RBM46: variants seen among roughly 807,000 people sequenced by gnomAD.
RBM46 encodes probable RNA-binding protein 46.
Under a neutral mutation model 43.3 loss-of-function variants are expected in RBM46, and 12 were observed. The ratio of observed to expected loss-of-function variants is 0.28; its 90% CI spans 0.18 to 0.45. RBM46 has a LOEUF of 0.45. Ranked by LOEUF, RBM46 falls within the 20% of genes least tolerant of loss-of-function variation. The probability of loss-of-function intolerance (pLI) is 1.00; values close to 1 mark genes in which losing one functional copy is unlikely to be tolerated. For missense variants in RBM46, 412 were observed against 639.1 expected (o/e 0.64, Z 3.83); for synonymous variants, 205 against 207.6 (o/e 0.99, Z 0.11).
intron 3 of RBM46, 147 bp downstream of exon 3, chr4:154,798,425 G>C: frequency 1.7e-6 from 1 of 598,002 alleles, no homozygotes; most frequent in African/African-American, 1.9e-5. Context: ...TAAATTACAT[G>C]ATTCTAAAAG....
rs772224107 is a variant in RBM46 at position 154,828,087 on chromosome 4, A to G, written c.*20A>G. ...TTCTGAAGAAAATACTAACATTAGT[A>G]TGAAAATTTGTGTAAATTTGTAGTA... On this transcript the variant is annotated 3_prime_UTR_variant, in exon 5 of 5. Coordinates refer to ENST00000281722, the MANE Select transcript of RBM46 (RefSeq NM_144979.5). 215 of 1,531,988 alleles carry G rather than the reference A, an allele frequency of 1.4e-4. 1 individual carries two copies. The highest frequency in any genetic ancestry group is 2.7e-6 in the Non-Finnish European group (3 of 1,106,438). The allele number at this position is 1,531,988 out of a possible 1,614,324, so 94.9% of individuals were successfully genotyped here.
At chr4:154,821,029 T>G (rs1217389106) in intron 4 of RBM46, among the ~76,000 whole-genome samples, 2 of 151,790 alleles carry the variant, frequency 1.3e-5, no homozygotes, top group African/African-American at 4.8e-5. Flanking sequence ...TGTGCTTCAC[T>G]TCCTCATTGA....
chr4:154,799,467 T>C lies in RBM46; in HGVS notation c.1305T>C (p.Ile435=). Residue 435 remains isoleucine, a synonymous_variant, in exon 4 of 5, where the codon ATT becomes ATC. Transcript: ENST00000281722. ...TGTATAAGATAGTTATTCCTGCTAT[T>C]GCAAATGGATCCCAGAGTTACTTCA... ...LLVYKIVIPA[I]ANGSQSYFMP... is the part of the protein sequence containing the mutation. 6.2e-7 allele frequency: 1 copy of C among 1,613,820 alleles called. No individual in the cohort carries two copies. The highest frequency in any genetic ancestry group is 1.1e-5 in the South Asian group (1 of 90,974).
rs575923856 is a variant in RBM46, at chr4:154,782,703, G to A, written c.-12+1267G>A. Among the ~76,000 whole-genome samples, 355 of 152,226 alleles carry A rather than the reference G, an allele frequency of 2.3e-3. 4 individuals are homozygous for A. Among genetic ancestry groups the A allele is most frequent in the African/African-American group, 8.2e-3 (341 of 41,554 alleles). ...TCACCATGTTGGCCAGGATGGTCTC[G>A]ATCTCTGGACCTCATGATCCACCCG... On this transcript the variant is annotated intron_variant, in intron 1 of 4. Transcript: ENST00000281722.
rs138482388 is a variant in RBM46 at position 154,797,986 on chromosome 4, T to C, written c.327T>C (p.Thr109=). Residue 109 remains threonine, a synonymous_variant, in exon 3 of 5, where the codon ACT becomes ACC. Coordinates refer to ENST00000281722, the MANE Select transcript of RBM46 (RefSeq NM_144979.5). ...ENRGYAFVMY[T]TKEEAQLAIR... ...GAGGTTATGCTTTTGTGATGTACAC[T>C]ACAAAAGAAGAAGCCCAATTAGCCA... 112 of 1,612,238 alleles carry C rather than the reference T, an allele frequency of 6.9e-5. No homozygotes were observed. The African/African-American group carries it at 1.4e-3, about 20-fold the overall frequency.
chr4:154,808,690 A>T (rs945200043), intron 4 of RBM46, among the ~76,000 whole-genome samples: 2 of 152,032 alleles, frequency 1.3e-5, no homozygotes, highest in Non-Finnish European at 2.9e-5. Context: ...CAGGTGAGCC[A>T]TTATCAATCT....
chr4:154,817,504 G>T (rs938995392), intron 4 of RBM46, among the ~76,000 whole-genome samples: 1 of 151,502 alleles, frequency 6.6e-6, no homozygotes, highest in African/African-American at 2.4e-5. Context: ...GCTGATTTTT[G>T]TATTTTTAGT....
rs1733616456 is a variant in RBM46 at position 154,783,644 on chromosome 4, CT to C, written c.-12+2209del. On this transcript the variant is annotated intron_variant, in intron 1 of 4. Transcript: ENST00000281722. ...ACAAGAATATGTAGATATCTTTATCCTGAATTCAAACAGCATATACACCTTT... is the reference window on the plus strand; with the variant it reads ...ACAAGAATATGTAGATATCTTTATCCGAATTCAAACAGCATATACACCTTT... 4.6e-5 allele frequency among the ~76,000 whole-genome samples: 7 copies of C among 152,218 alleles called. No individual in the cohort carries two copies. In the South Asian group the frequency reaches 1.5e-3, roughly 32 times the overall value.
intron 4 of RBM46, among the ~76,000 whole-genome samples, chr4:154,818,355 T>C (rs1418438362): frequency 6.6e-6 from 1 of 152,170 alleles, no homozygotes; most frequent in African/African-American, 2.4e-5. Context: ...TTATTTTTGC[T>C]AGGCCAGCAG....
intron 4 of RBM46, among the ~76,000 whole-genome samples, chr4:154,820,672 A>G (rs1045622099): frequency 1.3e-5 from 2 of 151,894 alleles, no homozygotes; most frequent in Non-Finnish European, 3.0e-5. Flanking sequence ...GGTAAACAGT[A>G]TTATAAATTC....
chr4:154,827,199 G>T (rs1470684595), intron 4 of RBM46: 1 of 893,708 alleles, frequency 1.1e-6, no homozygotes, highest in Non-Finnish European at 1.3e-6. Flanking sequence ...GGTTTAATTG[G>T]ATATTTTTCT....
intron 3 of RBM46, 41 bp downstream of exon 3, chr4:154,798,319 A>T (rs959979580): frequency 2.4e-6 from 3 of 1,256,754 alleles, no homozygotes; most frequent in African/African-American, 3.0e-5. Flanking sequence ...CATTATTACA[A>T]ATATGGAGAG....
At chr4:154,804,114 C>A (rs1338173046) in intron 4 of RBM46, among the ~76,000 whole-genome samples, 1 of 152,162 alleles carries the variant, frequency 6.6e-6, no homozygotes, top group Non-Finnish European at 1.5e-5. Flanking sequence ...AGTAGCCTAG[C>A]AGATTCTGGC....
At chr4:154,800,825 T>C (rs1445627026) in intron 4 of RBM46, among the ~76,000 whole-genome samples, 2 of 152,184 alleles carry the variant, frequency 1.3e-5, no homozygotes, top group African/African-American at 4.8e-5. Flanking sequence ...AGAACCATAG[T>C]ACAGAAGCTT....
intron 2 of RBM46, among the ~76,000 whole-genome samples, chr4:154,797,491 A>G (rs565082307): frequency 2.6e-5 from 4 of 152,178 alleles, no homozygotes; most frequent in South Asian, 2.1e-4. Context: ...TTCTTTCCAA[A>G]TGCCCTTTTC....
At chr4:154,789,084 A>G (rs947541905) in intron 1 of RBM46, among the ~76,000 whole-genome samples, 12 of 152,216 alleles carry the variant, frequency 7.9e-5, no homozygotes, top group Non-Finnish European at 1.3e-4. Flanking sequence ...GGCTGAGACA[A>G]TGGGGTTTTA....
At chr4:154,819,136 G>A (rs1016391336) in intron 4 of RBM46, among the ~76,000 whole-genome samples, 6 of 152,124 alleles carry the variant, frequency 3.9e-5, no homozygotes, top group African/African-American at 1.4e-4. Flanking sequence ...AAATTGTGGA[G>A]ACAATTTGAA....
intron 1 of RBM46, among the ~76,000 whole-genome samples, chr4:154,789,221 G>C (rs1733951846): frequency 1.3e-5 from 2 of 152,164 alleles, no homozygotes; most frequent in African/African-American, 4.8e-5. Context: ...TGTTGAGTAG[G>C]AGTGGTAAGA....
At chr4:154,827,707 T>C (rs1008662104) in intron 4 of RBM46, 161 bp from the exon 5 acceptor site, 9 of 1,447,116 alleles carry the variant, frequency 6.2e-6, no homozygotes, top group Non-Finnish European at 7.2e-6. Context: ...TGCAGTGCAG[T>C]GAATGCTGAA....
Sources: gnomAD v4.1 joint callset for allele counts (sites outside exome capture counted in the v4.1 genomes callset) on GRCh38, gnomAD v4.1.1 for gene constraint, MANE v1.5 for transcripts, NCBI Gene and HGNC (gene_info 2026-07-23, HGNC 2026-07-21) for gene names.